C21orf91: variants seen among roughly 807,000 people sequenced by gnomAD.
C21orf91 encodes the protein chromosome 21 open reading frame 91, also known as protein EURL homolog.
Under a neutral mutation model 32.9 loss-of-function variants are expected in C21orf91, and 26 were observed. That is an observed-to-expected ratio of 0.79 (90% CI 0.58 to 1.10). C21orf91 has a LOEUF of 1.10. Ranked by LOEUF, C21orf91 falls within the 50% of genes least tolerant of loss-of-function variation. The pLI, the probability that C21orf91 is intolerant of heterozygous loss-of-function variation, is 0.00. For missense variants in C21orf91, 310 were observed against 341.3 expected (o/e 0.91, Z 0.72); for synonymous variants, 126 against 120.4 (o/e 1.05, Z -0.31).
At chr21:17,812,205 G>A (rs1272359171) in intron 2 of C21orf91, among the ~76,000 whole-genome samples, 5 of 151,922 alleles carry the variant, frequency 3.3e-5, no homozygotes, top group Non-Finnish European at 7.4e-5. Context: ...CACCAATTAA[G>A]CCTACTTTCA....
intron 2 of C21orf91, among the ~76,000 whole-genome samples, chr21:17,815,897 T>C (rs142338807): frequency 3.3e-5 from 5 of 152,196 alleles, no homozygotes; most frequent in Non-Finnish European, 7.3e-5. Flanking sequence ...CAACCTCAGG[T>C]GATCCGCCTG....
In C21orf91 at chr21:17,804,036, G is replaced by A. The variant is rs189673640; in HGVS notation, c.128-6918C>T. 1.1e-3 allele frequency among the ~76,000 whole-genome samples: 164 copies of A among 152,238 alleles called. 1 individual carries two copies. Among genetic ancestry groups the A allele is most frequent in the African/African-American group, 3.5e-3 (147 of 41,542 alleles). The stretch of plus-strand genomic sequence containing the variant: ...AGCACTTGTACCTGTGACCCTGCAG[G>A]CTCCAAATCCATGTCCGGTCACCTG... On this transcript the variant is annotated intron_variant, in intron 2 of 4. Transcript: ENST00000284881.
intron 2 of C21orf91, among the ~76,000 whole-genome samples, chr21:17,797,787 T>C (rs2062530942): frequency 6.6e-6 from 1 of 152,082 alleles, no homozygotes; most frequent in Non-Finnish European, 1.5e-5. Flanking sequence ...AAATTCAATC[T>C]GCCAAGATCC....
At chr21:17,817,077 T>C (rs1420452445) in intron 2 of C21orf91, among the ~76,000 whole-genome samples, 1 of 152,206 alleles carries the variant, frequency 6.6e-6, no homozygotes, top group Non-Finnish European at 1.5e-5. Flanking sequence ...CCTTAACCTC[T>C]GGAGTAGCTG....
In C21orf91 at chr21:17,796,875, C is replaced by G. The variant is rs1239921246; in HGVS notation, c.371G>C (p.Arg124Thr). 1 of 1,613,914 alleles carries G rather than the reference C, an allele frequency of 6.2e-7. No homozygotes were observed. The highest frequency in any genetic ancestry group is 8.5e-7 in the Non-Finnish European group (1 of 1,179,916). The change falls in exon 3 of 5, where the codon AGG (arginine) becomes ACG (threonine). Residue 124 changes from arginine (R) to threonine (T), a missense_variant. Physicochemically the swap from Arg to Thr is moderately conservative, Grantham distance 71. Transcript: ENST00000284881. ...KNPQHHLFNFRHKPEEKLLPQ... is the reference protein window; with the variant it reads ...KNPQHHLFNFTHKPEEKLLPQ... ...GAGTAATTTTTCTTCTGGCTTATGC[C>G]TGAAATTAAACAGATGATGCTGGGG...
At chr21:17,794,691 G>A (rs2062504976) in intron 4 of C21orf91, among the ~76,000 whole-genome samples, 2 of 152,286 alleles carry the variant, frequency 1.3e-5, no homozygotes, top group South Asian at 2.1e-4. Context: ...CTGTTTGGGA[G>A]GACTCCCACA....
intron 2 of C21orf91, 76 bp downstream of exon 2, chr21:17,818,116 A>T: frequency 1.0e-6 from 1 of 977,864 alleles, no homozygotes; most frequent in Non-Finnish European, 1.5e-6. Flanking sequence ...AAGACATTTT[A>T]GTTTTACCTT....
chr21:17,799,984 T>C (rs1471937000), intron 2 of C21orf91, among the ~76,000 whole-genome samples: 1 of 152,208 alleles, frequency 6.6e-6, no homozygotes, highest in Admixed American at 6.5e-5. Flanking sequence ...TGTCTTTCAG[T>C]GAAGTTACTC....
intron 2 of C21orf91, among the ~76,000 whole-genome samples, chr21:17,812,350 G>A (rs2146261734): frequency 6.6e-6 from 1 of 152,262 alleles, no homozygotes; most frequent in Admixed American, 6.5e-5. Context: ...AGTTGCTATG[G>A]TGTGAATGTG....
rs553742353 is a variant in C21orf91, at chr21:17,791,630, T to C, written c.*1785A>G. ...AAGAGTAAAGTCAAATTTGAAAATGTGGGAACAATTAAGCACTAAGATATT... is the reference window on the plus strand; with the variant it reads ...AAGAGTAAAGTCAAATTTGAAAATGCGGGAACAATTAAGCACTAAGATATT... On this transcript the variant is annotated 3_prime_UTR_variant, in exon 5 of 5. Transcript: ENST00000284881. The C allele has an allele frequency of 1.2e-4, 19 of 152,232 alleles. No individual in the cohort carries two copies. Among genetic ancestry groups the C allele is most frequent in the African/African-American group, 4.1e-4 (17 of 41,570 alleles). The allele number at this position is 152,232 out of a possible 1,614,324, so 9.4% of individuals were successfully genotyped here. A position where few individuals can be genotyped will look rare whatever the true frequency, so the allele number is the denominator to read the frequency against.
intron 2 of C21orf91, among the ~76,000 whole-genome samples, chr21:17,806,510 T>TA (rs10719382): frequency 1.6e-4 from 24 of 151,606 alleles, no homozygotes; most frequent in African/African-American, 4.4e-4. Flanking sequence ...GATGAGTTAG[T>TA]AAAAAAAAAA....
intron 1 of C21orf91, 93 bp from the exon 2 acceptor site, chr21:17,818,418 C>T: frequency 1.0e-6 from 1 of 996,090 alleles, no homozygotes; most frequent in South Asian, 1.6e-5. Flanking sequence ...AATAAGGATG[C>T]TGTTCAGCTC....
chr21:17,803,061 G>T (rs2062572696), intron 2 of C21orf91, among the ~76,000 whole-genome samples: 1 of 152,196 alleles, frequency 6.6e-6, no homozygotes, highest in Non-Finnish European at 1.5e-5. Flanking sequence ...TTAGGGAACT[G>T]GGAGTATGGG....
At chr21:17,796,510 C>T in intron 3 of C21orf91, 72 bp downstream of exon 3, 2 of 1,116,042 alleles carry the variant, frequency 1.8e-6, no homozygotes, top group Admixed American at 2.2e-5. Context: ...ATTCTTGACC[C>T]ATTACACATC....
rs2062455624 is a variant in C21orf91, at chr21:17,789,446, T to TG, written c.*3968_*3969insC. 6.6e-6 allele frequency: 1 copy of TG among 152,196 alleles called. No individual in the cohort carries two copies. Among genetic ancestry groups the TG allele is most frequent in the Admixed American group, 6.5e-5 (1 of 15,270 alleles). The allele number at this position is 152,196 out of a possible 1,614,324, so 9.4% of individuals were successfully genotyped here. ...TAGGTGTAGTTGAGGGAAGTTCAAC[T>TG]AATCTTTAAACCTTTTTTGGGAGAG... On this transcript the variant is annotated 3_prime_UTR_variant, in exon 5 of 5. Transcript: ENST00000284881.
intron 4 of C21orf91, 49 bp from the exon 5 acceptor site, chr21:17,793,630 CTATGATT>C (rs761326149): frequency 3.2e-6 from 4 of 1,242,434 alleles, no homozygotes; most frequent in Admixed American, 2.1e-5. Flanking sequence ...AAAGCCGGTG[CTATGATT>C]TATATTTCAA....
At chr21:17,809,495 ATCAT>A (rs1041802175) in intron 2 of C21orf91, among the ~76,000 whole-genome samples, 5 of 152,312 alleles carry the variant, frequency 3.3e-5, no homozygotes, top group Middle Eastern at 3.4e-3. Flanking sequence ...AGTAGCAATT[ATCAT>A]TCATTAAGTT....
intron 2 of C21orf91, chr21:17,814,056 G>A (rs1367534731): frequency 6.6e-6 from 1 of 152,086 alleles, no homozygotes; most frequent in East Asian, 1.9e-4. Flanking sequence ...GCCAATTATA[G>A]GAAGAGAGAA....
In C21orf91 at chr21:17,791,051, T is replaced by C. The variant is rs936824476; in HGVS notation, c.*2364A>G. ...AGCCAAGTGTGGAAAACAATATTTG[T>C]GATATTTCATGTTCTCTTGTTAGAA... On this transcript the variant is annotated 3_prime_UTR_variant, in exon 5 of 5. Coordinates refer to ENST00000284881, the MANE Select transcript of C21orf91 (RefSeq NM_001100420.2). The C allele has an allele frequency of 6.8e-6, 1 of 147,156 alleles. No individual in the cohort carries two copies. Among genetic ancestry groups the C allele is most frequent in the African/African-American group, 2.4e-5 (1 of 41,260 alleles). 9.1% of individuals were successfully genotyped at this position (147,156 alleles called of 1,614,324 possible). A position where few individuals can be genotyped will look rare whatever the true frequency, so the allele number is the denominator to read the frequency against.
Sources: gnomAD v4.1 joint callset for allele counts (sites outside exome capture counted in the v4.1 genomes callset) on GRCh38, gnomAD v4.1.1 for gene constraint, MANE v1.5 for transcripts, NCBI Gene and HGNC (gene_info 2026-07-23, HGNC 2026-07-21) for gene names.